GLMN: variants seen among roughly 807,000 people sequenced by gnomAD.
GLMN encodes the protein glomulin, FKBP associated protein.
Under a neutral mutation model 87.8 loss-of-function variants are expected in GLMN, and 75 were observed. That is an observed-to-expected ratio of 0.85 (90% CI 0.71 to 1.04). The LOEUF (loss-of-function observed/expected upper bound fraction) is 1.04. Ranked by LOEUF, GLMN falls within the 50% of genes least tolerant of loss-of-function variation. The probability of loss-of-function intolerance (pLI) is 0.00; values close to 1 mark genes in which losing one functional copy is unlikely to be tolerated. For missense variants in GLMN, 588 were observed against 658.8 expected (o/e 0.89, Z 1.18); for synonymous variants, 206 against 221.6 (o/e 0.93, Z 0.63).
chr1:92,269,538 A>T (rs1656011314), intron 9 of GLMN, among the ~76,000 whole-genome samples, 185 bp downstream of exon 9: 1 of 152,226 alleles, frequency 6.6e-6, no homozygotes, highest in African/African-American at 2.4e-5. Context: ...AAAATAAAAC[A>T]GACTTTGGTG....
chr1:92,319,815 A>G, the GLMN span, among the ~76,000 whole-genome samples: 2 of 152,180 alleles, frequency 1.3e-5, no homozygotes, highest in Non-Finnish European at 2.9e-5. Flanking sequence ...CCTGACCAAC[A>G]TGGAGAAACC....
the GLMN span, among the ~76,000 whole-genome samples, chr1:92,322,643 G>C: frequency 3.9e-5 from 6 of 152,052 alleles, no homozygotes; most frequent in African/African-American, 1.2e-4. Flanking sequence ...GGGAGGCCAA[G>C]GTGGGCAAAT....
chr1:92,286,736 G>A, intron 6 of GLMN, 144 bp from the exon 7 acceptor site: 7 of 662,772 alleles, frequency 1.1e-5, no homozygotes, highest in Non-Finnish European at 1.9e-5. Context: ...AACTCATGTT[G>A]AAATTTAACT....
chr1:92,325,122 A>G, the GLMN span, among the ~76,000 whole-genome samples: 6 of 152,322 alleles, frequency 3.9e-5, no homozygotes, highest in East Asian at 9.6e-4. Flanking sequence ...ACTGAGATTT[A>G]GAGAGCATCT....
At chr1:92,304,037 C>A in the GLMN span, 1 of 1,613,058 alleles carries the variant, frequency 6.2e-7, no homozygotes, top group Non-Finnish European at 8.5e-7. Context: ...TATTGTCAAA[C>A]TCTGTGGTTA....
chr1:92,310,693 T>TC, the GLMN span, among the ~76,000 whole-genome samples: 1 of 151,982 alleles, frequency 6.6e-6, no homozygotes, highest in African/African-American at 2.4e-5. Flanking sequence ...GGTCAGGAGT[T>TC]CAAGATCAGC....
At chr1:92,258,864 G>A (rs959202055) in intron 16 of GLMN, among the ~76,000 whole-genome samples, 4 of 151,878 alleles carry the variant, frequency 2.6e-5, no homozygotes, top group Non-Finnish European at 4.4e-5. Flanking sequence ...AAACCTGCAC[G>A]TTCTGCACAT....
the GLMN span, among the ~76,000 whole-genome samples, chr1:92,313,952 T>G: frequency 2.2e-4 from 34 of 152,344 alleles, no homozygotes; most frequent in African/African-American, 7.9e-4. Flanking sequence ...CTTCTGCAGC[T>G]TCCTCACCTC....
chr1:92,251,947 C>G (rs528420919), intron 16 of GLMN, among the ~76,000 whole-genome samples: 2 of 152,128 alleles, frequency 1.3e-5, no homozygotes, highest in South Asian at 4.2e-4. Flanking sequence ...AAGCGTCTGC[C>G]ACCATGCCCA....
At chr1:92,259,962 C>CCTGA (rs1026038556) in intron 16 of GLMN, among the ~76,000 whole-genome samples, 1 of 151,982 alleles carries the variant, frequency 6.6e-6, no homozygotes, top group African/African-American at 2.4e-5. Context: ...GTCTTGATCT[C>CCTGA]CTGACTTCAT....
rs2100893542 is a variant in GLMN at position 92,266,510 on chromosome 1, A to G, written c.1141-18T>C. 5 of 1,403,566 alleles carry G rather than the reference A, an allele frequency of 3.6e-6. No individual in the cohort carries two copies. The highest frequency in any genetic ancestry group is 5.0e-6 in the Non-Finnish European group (5 of 993,280). The allele number at this position is 1,403,566 out of a possible 1,614,324, so 86.9% of individuals were successfully genotyped here. On this transcript the variant is annotated intron_variant, in intron 12 of 18. Coordinates refer to ENST00000370360, the MANE Select transcript of GLMN (RefSeq NM_053274.3). ...TTTTTCCTCTAAAATGGAACAAACA[A>G]TATTATTATATAAAATGAATAAAGC... is the stretch of plus-strand genomic sequence containing the variant.
chr1:92,326,177 C>T, the GLMN span, among the ~76,000 whole-genome samples: 3 of 151,736 alleles, frequency 2.0e-5, no homozygotes, highest in Admixed American at 6.6e-5. Context: ...ATTCCATGTC[C>T]TCCCTGGTAC....
chr1:92,291,606 C>A, intron 3 of GLMN, 69 bp from the exon 4 acceptor site: 1 of 1,435,152 alleles, frequency 7.0e-7, no homozygotes, highest in Non-Finnish European at 9.8e-7. Context: ...GCTTTCCTAT[C>A]TTGGAAGAGC....
the GLMN span, among the ~76,000 whole-genome samples, chr1:92,329,258 A>G: frequency 6.6e-6 from 1 of 152,162 alleles, no homozygotes; most frequent in Non-Finnish European, 1.5e-5. Flanking sequence ...CAGGGCCAGT[A>G]GAGAAAGACC....
At chr1:92,342,869 G>A in the GLMN span, among the ~76,000 whole-genome samples, 1 of 152,050 alleles carries the variant, frequency 6.6e-6, no homozygotes, top group Non-Finnish European at 1.5e-5. Flanking sequence ...CCTTAGTTTT[G>A]GGGGAAGGAT....
chr1:92,304,311 A>C, the GLMN span: 2 of 1,511,374 alleles, frequency 1.3e-6, no homozygotes, highest in South Asian at 2.4e-5. Flanking sequence ...TAAAATTTCT[A>C]CCAAAACCAA....
chr1:92,343,873 T>C, the GLMN span, among the ~76,000 whole-genome samples: 2 of 152,286 alleles, frequency 1.3e-5, no homozygotes, highest in Admixed American at 6.5e-5. Flanking sequence ...ATAGGCCTTA[T>C]TGCAAAGATG....
chr1:92,360,329 G>A, the GLMN span, among the ~76,000 whole-genome samples: 1 of 152,236 alleles, frequency 6.6e-6, no homozygotes, highest in Admixed American at 6.5e-5. Flanking sequence ...AGTTTCTACA[G>A]AATGATAGGA....
chr1:92,274,855 T>A (rs1647186709), intron 7 of GLMN, among the ~76,000 whole-genome samples: 1 of 152,184 alleles, frequency 6.6e-6, no homozygotes, highest in Non-Finnish European at 1.5e-5. Flanking sequence ...AGTCCTGTGA[T>A]TCCTACATTT....
Sources: allele counts gnomAD v4.1 joint callset (sites outside exome capture counted in the v4.1 genomes callset), GRCh38; gene constraint gnomAD v4.1.1; transcripts MANE v1.5; gene names NCBI Gene and HGNC (gene_info 2026-07-23, HGNC 2026-07-21).